The following LRRC69 variants were observed in gnomAD, a reference collection of about 807,000 sequenced individuals.
LRRC69 encodes leucine-rich repeat-containing protein 69.
LRRC69 carries 42 observed loss-of-function variants against 37.8 expected under a neutral mutation model. That is an observed-to-expected ratio of 1.11 (90% confidence interval 0.87 to 1.44). LRRC69 has a LOEUF of 1.44. Ranked by LOEUF, LRRC69 falls within the 40% of genes most tolerant of loss-of-function variation. LRRC69 has a pLI of 0.00. For missense variants in LRRC69, 357 were observed against 401.9 expected (o/e 0.89, Z 0.96); for synonymous variants, 141 against 143.1 (o/e 0.99, Z 0.11).
chr8:91,185,366 T>C (rs1383108484), intron 5 of LRRC69, among the ~76,000 whole-genome samples: 4 of 151,390 alleles, frequency 2.6e-5, no homozygotes, highest in Non-Finnish European at 5.9e-5. Flanking sequence ...TCTCTATCTG[T>C]GTGTGTGTGT....
intron 5 of LRRC69, among the ~76,000 whole-genome samples, chr8:91,182,381 A>G (rs1809339745): frequency 6.6e-6 from 1 of 152,194 alleles, no homozygotes; most frequent in Non-Finnish European, 1.5e-5. Context: ...GGGGCATAAG[A>G]TAGTTAATCC....
chr8:91,194,425 C>G (rs989601678), intron 6 of LRRC69, among the ~76,000 whole-genome samples: 36 of 151,992 alleles, frequency 2.4e-4, no homozygotes, highest in African/African-American at 7.5e-4. Flanking sequence ...AGGAATGGTA[C>G]CAGTTCCTCC....
intron 3 of LRRC69, among the ~76,000 whole-genome samples, chr8:91,127,999 G>GA (rs983677432): frequency 4.6e-5 from 7 of 151,938 alleles, no homozygotes; most frequent in Non-Finnish European, 1.0e-4. Flanking sequence ...AGAGCAACTA[G>GA]AAAAGAATTG....
At chr8:91,111,757 A>G (rs879451949) in intron 1 of LRRC69, among the ~76,000 whole-genome samples, 4 of 151,858 alleles carry the variant, frequency 2.6e-5, no homozygotes, top group Non-Finnish European at 5.9e-5. Context: ...GAGAGAGAGG[A>G]GCAGGAAAAA....
chr8:91,168,372 G>C (rs935622979), intron 5 of LRRC69, among the ~76,000 whole-genome samples: 1 of 151,768 alleles, frequency 6.6e-6, no homozygotes, highest in African/African-American at 2.4e-5. Flanking sequence ...CCCATCTCCA[G>C]CCCTCCTCTC....
chr8:91,124,120 T>C (rs757335877), intron 1 of LRRC69, among the ~76,000 whole-genome samples: 7 of 151,922 alleles, frequency 4.6e-5, no homozygotes, highest in African/African-American at 1.7e-4. Flanking sequence ...GTAACTTAGC[T>C]CCTTTGCTGA....
chr8:91,147,975 C>G (rs116397634), intron 5 of LRRC69, among the ~76,000 whole-genome samples: 5,272 of 150,806 alleles, frequency 0.035, 315 homozygotes, highest in African/African-American at 0.12. Context: ...TTTTCTGTTC[C>G]TGGGTTAATT....
chr8:91,166,492 G>GAAAAA (rs66705016), intron 5 of LRRC69, among the ~76,000 whole-genome samples: 22 of 95,240 alleles, frequency 2.3e-4, no homozygotes, highest in African/African-American at 5.6e-4. Context: ...AAAATAAACT[G>GAAAAA]AAAAAAAAAA....
downstream of LRRC69, chr8:91,219,241 A>G (rs549695714): frequency 5.9e-4 from 182 of 310,898 alleles, no homozygotes; most frequent in African/African-American, 3.6e-3. Flanking sequence ...AAAAATAAAG[A>G]TTTGTGTGGC....
At chr8:91,133,279 A>G in exon 4 of LRRC69, 1 of 1,511,914 alleles carries the variant, frequency 6.6e-7, no homozygotes, top group Non-Finnish European at 8.8e-7. Flanking sequence ...TTTGCTAGCC[A>G]GAAACAACAT....
At chr8:91,199,728 A>G (rs1171263911) in intron 6 of LRRC69, among the ~76,000 whole-genome samples, 1 of 152,204 alleles carries the variant, frequency 6.6e-6, no homozygotes, top group Non-Finnish European at 1.5e-5. Context: ...ACATTTATAC[A>G]GGACTTCCAT....
intron 1 of LRRC69, among the ~76,000 whole-genome samples, chr8:91,103,525 G>A (rs1813257738): frequency 6.6e-6 from 1 of 151,998 alleles, no homozygotes; most frequent in South Asian, 2.1e-4. Flanking sequence ...GAGAAGGCAA[G>A]GGATATTAAC....
chr8:91,108,807 T>A (rs529006587), intron 1 of LRRC69, among the ~76,000 whole-genome samples: 5 of 152,144 alleles, frequency 3.3e-5, no homozygotes, highest in African/African-American at 1.2e-4. Context: ...ATAATTCTTC[T>A]TCCAATGTGG....
chr8:91,117,741 G>A (rs1235563228), intron 1 of LRRC69, among the ~76,000 whole-genome samples: 1 of 151,764 alleles, frequency 6.6e-6, no homozygotes, highest in African/African-American at 2.4e-5. Context: ...TGCTGAAAGA[G>A]TACATGCCAT....
intron 4 of LRRC69, 82 bp downstream of exon 4, chr8:91,133,387 G>A (rs1813845156): frequency 8.7e-6 from 9 of 1,035,254 alleles, no homozygotes; most frequent in Non-Finnish European, 1.2e-5. Flanking sequence ...TTAGATTTGG[G>A]TATCTGAGTA....
At chr8:91,156,178 T>C (rs1039640540) in intron 5 of LRRC69, among the ~76,000 whole-genome samples, 17 of 150,874 alleles carry the variant, frequency 1.1e-4, no homozygotes, top group Admixed American at 8.6e-4. Context: ...AGTGTATGAG[T>C]TTTCTTTGTG....
intron 5 of LRRC69, among the ~76,000 whole-genome samples, chr8:91,186,732 A>G (rs976460115): frequency 3.3e-5 from 5 of 152,156 alleles, no homozygotes; most frequent in Non-Finnish European, 4.4e-5. Context: ...AACAACTCAC[A>G]TAAGACAAAG....
intron 5 of LRRC69, among the ~76,000 whole-genome samples, chr8:91,150,255 T>C (rs949824652): frequency 1.3e-5 from 2 of 151,984 alleles, no homozygotes; most frequent in Non-Finnish European, 2.9e-5. Flanking sequence ...TTGAGATACA[T>C]CCCATCAATA....
At chr8:91,140,265 TG>T (rs1808509548) in intron 5 of LRRC69, among the ~76,000 whole-genome samples, 1 of 152,010 alleles carries the variant, frequency 6.6e-6, no homozygotes, top group Non-Finnish European at 1.5e-5. Context: ...TACAATTTTT[TG>T]ATACCTAATT....
Sources: allele counts gnomAD v4.1 joint callset (sites outside exome capture counted in the v4.1 genomes callset), GRCh38; gene constraint gnomAD v4.1.1; transcripts MANE v1.5; gene names NCBI Gene and HGNC (gene_info 2026-07-23, HGNC 2026-07-21).